TCP11L1: variants seen among roughly 807,000 people sequenced by gnomAD.
The protein encoded by TCP11L1 is t-complex 11 like 1, also known as T-complex protein 11-like protein 1.
TCP11L1 carries 28 observed loss-of-function variants against 48.9 expected under a neutral mutation model. The observed-to-expected ratio is 0.57, with a 90% CI of 0.42 to 0.78. TCP11L1 has a LOEUF of 0.78. Among genes scored for constraint, TCP11L1 ranks in the 30% least tolerant of loss-of-function variants. The pLI, the probability that TCP11L1 is intolerant of heterozygous loss-of-function variation, is 0.00. For missense variants in TCP11L1, 505 were observed against 613.4 expected, an observed-to-expected ratio of 0.82 and a Z score of 1.87; for synonymous variants, 204 against 231.9, an observed-to-expected ratio of 0.88 and a Z score of 1.09.
intron 2 of TCP11L1, among the ~76,000 whole-genome samples, chr11:33,049,185 G>A (rs535515916): frequency 2.7e-5 from 4 of 150,132 alleles, no homozygotes; most frequent in African/African-American, 9.8e-5. Context: ...GGGAGGCGGA[G>A]GTTGCAGTGA....
rs533334399 is a variant in TCP11L1, at chr11:33,050,678, A to C, written c.164-3915A>C. Among the ~76,000 whole-genome samples, 161 of 152,316 alleles carry C rather than the reference A, an allele frequency of 1.1e-3. 1 individual carries two copies. Among genetic ancestry groups the C allele is most frequent in the Non-Finnish European group, 6.3e-4 (43 of 68,036 alleles). ...AACAAAAAAACCTTTTTATTTTCTT[A>C]ATAGAGTCTATCATGGAATGTACAT... On this transcript the variant is annotated intron_variant, in intron 2 of 9. Transcript: ENST00000334274.
At chr11:33,047,941 T>C (rs1199308584) in intron 2 of TCP11L1, among the ~76,000 whole-genome samples, 1 of 152,136 alleles carries the variant, frequency 6.6e-6, no homozygotes, top group African/African-American at 2.4e-5. Context: ...CTTTTCAGAG[T>C]GTATAGGCAT....
chr11:33,052,080 G>A (rs1854177071), intron 2 of TCP11L1, among the ~76,000 whole-genome samples: 1 of 152,022 alleles, frequency 6.6e-6, no homozygotes, highest in African/African-American at 2.4e-5. Context: ...GGGAATAAGA[G>A]ACACTGGGGT....
At chr11:33,055,823 G>T (rs779212672) in intron 3 of TCP11L1, among the ~76,000 whole-genome samples, 1 of 152,134 alleles carries the variant, frequency 6.6e-6, no homozygotes, top group Non-Finnish European at 1.5e-5. Flanking sequence ...TATTGTTGTT[G>T]TTGTTGTTTT....
Position 33,068,550 on chromosome 11 carries a change from G to A in TCP11L1, c.1155-137G>A, listed in dbSNP as rs148059357. 1,322 of 1,080,370 alleles carry A rather than the reference G, an allele frequency of 1.2e-3. 11 individuals are homozygous for A. The African/African-American group carries it at 0.016, about 13-fold the overall frequency. The allele number at this position is 1,080,370 out of a possible 1,614,324, so 66.9% of individuals were successfully genotyped here. On this transcript the variant is annotated intron_variant, in intron 8 of 9. Transcript: ENST00000334274. Reference sequence around the variant, plus strand: ...GCACAGCCTGAGAGGTAAGGTGGCAGGGAAAAGAGTCTCAAATTGTCCCTT... The same window carrying A: ...GCACAGCCTGAGAGGTAAGGTGGCAAGGAAAAGAGTCTCAAATTGTCCCTT...
chr11:33,068,860 G>A lies in TCP11L1; in HGVS notation c.1327+1G>A. The A allele has an allele frequency of 6.2e-7, 1 of 1,609,706 alleles. No individual in the cohort carries two copies. Among genetic ancestry groups the A allele is most frequent in the Non-Finnish European group, 8.5e-7 (1 of 1,176,440 alleles). ...GATGACCCCATTCGCAGGATCATGGGTACGTTTGGGGAAGGCAGGCAGCAG... is the reference window on the plus strand; with the variant it reads ...GATGACCCCATTCGCAGGATCATGGATACGTTTGGGGAAGGCAGGCAGCAG... On this transcript the variant is annotated splice_donor_variant, in intron 9 of 9. Coordinates refer to ENST00000334274, the MANE Select transcript of TCP11L1 (RefSeq NM_018393.4). LOFTEE classifies it high-confidence loss of function.
chr11:33,047,421 A>C (rs1320377986), intron 2 of TCP11L1, among the ~76,000 whole-genome samples: 1 of 152,172 alleles, frequency 6.6e-6, no homozygotes, highest in South Asian at 2.1e-4. Flanking sequence ...TTATACTTTA[A>C]TGCTCTTCTC....
In TCP11L1 at chr11:33,057,334, T is replaced by C; in HGVS notation, c.417+99T>C. ...AGAAGACTTTAAAGAAATTGAAGGA[T>C]CAAGAAGTTAAAGTACTTGCCAGAA... On this transcript the variant is annotated intron_variant, in intron 4 of 9. Coordinates refer to ENST00000334274, the MANE Select transcript of TCP11L1 (RefSeq NM_018393.4). 12 of 1,555,948 alleles carry C rather than the reference T, an allele frequency of 7.7e-6. No individual in the cohort carries two copies. In the South Asian group the frequency reaches 1.4e-4, roughly 19 times the overall value.
chr11:33,071,584 A>G (rs1854791479), intron 9 of TCP11L1, among the ~76,000 whole-genome samples: 1 of 152,224 alleles, frequency 6.6e-6, no homozygotes, highest in Non-Finnish European at 1.5e-5. Context: ...GAAAAGCATC[A>G]ACCTAAATTA....
chr11:33,066,139 G>A (rs1379760451), intron 8 of TCP11L1, 128 bp downstream of exon 8: 2 of 1,248,156 alleles, frequency 1.6e-6, no homozygotes, highest in Non-Finnish European at 2.2e-6. Flanking sequence ...AAGAAACCTT[G>A]CTGTCTCAGT....
Position 33,066,020 on chromosome 11 carries a change from AACT to A in TCP11L1, c.1154+10_1154+12del. On this transcript the variant is annotated intron_variant, in intron 8 of 9. Transcript: ENST00000334274. ...ACAGATATGCACCTGCCGTAAGTGG[AACT>A]TTGATGCGTGGATGGGACGCAGTGG... 3 of 1,613,646 alleles carry A rather than the reference AACT, an allele frequency of 1.9e-6. No homozygotes were observed. Among genetic ancestry groups the A allele is most frequent in the Non-Finnish European group, 2.5e-6 (3 of 1,179,672 alleles).
At position 33,068,530 on chromosome 11, in the gene TCP11L1, G is replaced by A. The variant is rs560472852; in HGVS notation, c.1155-157G>A. 2.6e-5 allele frequency among the ~76,000 whole-genome samples: 4 copies of A among 151,976 alleles called. No homozygotes were observed. In the South Asian group the frequency reaches 8.3e-4, roughly 31 times the overall value. ...AAGTCCCCCTGGTCAGGTATGCACA[G>A]CCTGAGAGGTAAGGTGGCAGGGAAA... On this transcript the variant is annotated intron_variant, in intron 8 of 9. Coordinates refer to ENST00000334274, the MANE Select transcript of TCP11L1 (RefSeq NM_018393.4).
In TCP11L1 at chr11:33,042,126, T is replaced by G. The variant is rs575527794; in HGVS notation, c.-24-1624T>G. ...TTTTACTGTAATTAAAACAGGGTTTTTTTGTTTGTTTGTTTGTTTGTTTAG... is the reference window on the plus strand; with the variant it reads ...TTTTACTGTAATTAAAACAGGGTTTGTTTGTTTGTTTGTTTGTTTGTTTAG... On this transcript the variant is annotated intron_variant, in intron 1 of 9. Transcript: ENST00000334274. Among the ~76,000 whole-genome samples the G allele has an allele frequency of 1.4e-4, 21 of 152,178 alleles. No individual in the cohort carries two copies. In the South Asian group the frequency reaches 1.7e-3, roughly 12 times the overall value.
At chr11:33,047,885 A>G (rs552797746) in intron 2 of TCP11L1, among the ~76,000 whole-genome samples, 10 of 152,298 alleles carry the variant, frequency 6.6e-5, no homozygotes, top group African/African-American at 2.4e-4. Flanking sequence ...GACAGTTGCA[A>G]TCTTGCCCTC....
intron 2 of TCP11L1, among the ~76,000 whole-genome samples, chr11:33,047,540 A>G (rs144403427): frequency 1.3e-5 from 2 of 152,298 alleles, no homozygotes; most frequent in Non-Finnish European, 2.9e-5. Context: ...CCCACTTAGG[A>G]CCTTTGTTTA....
At chr11:33,047,407 CTACTTA>C (rs1357583311) in intron 2 of TCP11L1, among the ~76,000 whole-genome samples, 1 of 152,188 alleles carries the variant, frequency 6.6e-6, no homozygotes, top group Non-Finnish European at 1.5e-5. Flanking sequence ...AAATCTTCTA[CTACTTA>C]TACTTTAATG....
chr11:33,073,077 C>A lies in TCP11L1; in HGVS notation c.*401C>A. 1 of 216,138 alleles carries A rather than the reference C, an allele frequency of 4.6e-6. No individual in the cohort carries two copies. Among genetic ancestry groups the A allele is most frequent in the Non-Finnish European group, 9.4e-6 (1 of 106,646 alleles). 13.4% of individuals were successfully genotyped at this position (216,138 alleles called of 1,614,324 possible). ...AAAAGAGACCAAGCCATGGCCTCACCTCCTGCCCTCCCTCAGACAGCCTTG... is the reference window on the plus strand; with the variant it reads ...AAAAGAGACCAAGCCATGGCCTCACATCCTGCCCTCCCTCAGACAGCCTTG... On this transcript the variant is annotated 3_prime_UTR_variant, in exon 10 of 10. Coordinates refer to ENST00000334274, the MANE Select transcript of TCP11L1 (RefSeq NM_018393.4).
chr11:33,041,110 CG>C (rs1564971327), intron 1 of TCP11L1: 1 of 152,124 alleles, frequency 6.6e-6, no homozygotes, highest in East Asian at 1.9e-4. Flanking sequence ...TGGTGAGGTC[CG>C]GGAAGTGTCC....
intron 1 of TCP11L1, chr11:33,040,308 G>C (rs572800690): frequency 5.3e-5 from 8 of 152,278 alleles, no homozygotes; most frequent in African/African-American, 1.7e-4. Context: ...CCGCATCCTA[G>C]AGCCCTTTAA....
Sources: gnomAD v4.1 joint callset for allele counts (sites outside exome capture counted in the v4.1 genomes callset) on GRCh38, gnomAD v4.1.1 for gene constraint, MANE v1.5 for transcripts, NCBI Gene and HGNC (gene_info 2026-07-23, HGNC 2026-07-21) for gene names.